NR2C2: variants seen among roughly 807,000 people sequenced by gnomAD.
The protein encoded by NR2C2 is nuclear receptor subfamily 2 group C member 2.
In NR2C2, 6 loss-of-function variants were observed where a neutral mutation model predicts 62.9. That is an observed-to-expected ratio of 0.10 (90% CI 0.05 to 0.19). NR2C2 has a LOEUF of 0.19. NR2C2 is among the 10% of genes least tolerant of loss of function. The pLI, the probability that NR2C2 is intolerant of heterozygous loss-of-function variation, is 1.00. For synonymous variants in NR2C2, 272 were observed against 273.8 expected (o/e 0.99, Z 0.07); for missense variants, 479 against 762.7 (o/e 0.63, Z 4.38).
intron 1 of NR2C2, among the ~76,000 whole-genome samples, chr3:14,971,765 GT>G (rs1462483002): frequency 6.8e-6 from 1 of 147,656 alleles, no homozygotes; most frequent in Non-Finnish European, 1.5e-5. Context: ...TTCTTTTTTT[GT>G]TGTTGTTCAC....
chr3:14,981,015 T>C (rs1574957035), intron 1 of NR2C2, among the ~76,000 whole-genome samples: 1 of 152,266 alleles, frequency 6.6e-6, no homozygotes, highest in South Asian at 2.1e-4. Context: ...TGATTTCTAC[T>C]GTTACACTGG....
In NR2C2 at chr3:15,013,653, C is replaced by G; in HGVS notation, c.137C>G (p.Ser46Cys). 1 of 1,614,154 alleles carries G rather than the reference C, an allele frequency of 6.2e-7. No individual in the cohort carries two copies. The highest frequency in any genetic ancestry group is 8.5e-7 in the Non-Finnish European group (1 of 1,180,026). ...QIVTAVDASGSPKQQFILTSP... is the reference protein window; with the variant it reads ...QIVTAVDASGCPKQQFILTSP... ...GTCACCGCAGTGGACGCCTCCGGATCCCCCAAACAGCAGTTCATCCTGACC... is the reference window on the plus strand; with the variant it reads ...GTCACCGCAGTGGACGCCTCCGGATGCCCCAAACAGCAGTTCATCCTGACC... Residue 46 changes from serine to cysteine, a missense_variant, in exon 3 of 14, where the codon TCC (serine) becomes TGC (cysteine). Ser to Cys is a moderately radical substitution (Grantham distance 112). Transcript: ENST00000425241.
At chr3:15,039,441 G>C (rs1338113405) in intron 13 of NR2C2, among the ~76,000 whole-genome samples, 1 of 152,210 alleles carries the variant, frequency 6.6e-6, no homozygotes, top group Non-Finnish European at 1.5e-5. Flanking sequence ...GTAGAGTGTA[G>C]ACAGTGCCAG....
chr3:15,008,479 G>A (rs573876395), intron 2 of NR2C2, among the ~76,000 whole-genome samples: 2 of 151,852 alleles, frequency 1.3e-5, no homozygotes, highest in East Asian at 3.9e-4. Flanking sequence ...CCAACATCGT[G>A]CTGCTGCACT....
At chr3:14,962,818 C>T (rs2039725849) in intron 1 of NR2C2, among the ~76,000 whole-genome samples, 1 of 151,958 alleles carries the variant, frequency 6.6e-6, no homozygotes. Flanking sequence ...ACGCTTGATT[C>T]TTCGTTAATA....
intron 1 of NR2C2, among the ~76,000 whole-genome samples, chr3:14,998,115 GC>G (rs2040884211): frequency 6.6e-6 from 1 of 152,090 alleles, no homozygotes; most frequent in African/African-American, 2.4e-5. Flanking sequence ...CCTTTTTATT[GC>G]CAAATAATAC....
intron 1 of NR2C2, among the ~76,000 whole-genome samples, chr3:14,998,161 A>T (rs1397163326): frequency 1.3e-5 from 2 of 152,180 alleles, no homozygotes; most frequent in African/African-American, 4.8e-5. Context: ...TTATTTATCC[A>T]TTCATCATTT....
chr3:15,015,828 G>A (rs1352986084), intron 3 of NR2C2, among the ~76,000 whole-genome samples: 2 of 152,126 alleles, frequency 1.3e-5, no homozygotes, highest in Non-Finnish European at 2.9e-5. Flanking sequence ...TTGAGATGGG[G>A]TCTCACTCTG....
At chr3:14,958,767 G>T (rs2125237642) in intron 1 of NR2C2, among the ~76,000 whole-genome samples, 1 of 152,296 alleles carries the variant, frequency 6.6e-6, no homozygotes, top group African/African-American at 2.4e-5. Flanking sequence ...CTCGAGGTCA[G>T]GAGATCCAGA....
intron 1 of NR2C2, among the ~76,000 whole-genome samples, chr3:14,982,544 G>GT (rs1372283338): frequency 9.2e-5 from 14 of 151,950 alleles, no homozygotes; most frequent in African/African-American, 3.4e-4. Context: ...AATTAAGCAC[G>GT]TCTTTATTTC....
chr3:15,028,851 C>T (rs2041893242), intron 8 of NR2C2, 132 bp downstream of exon 8: 1 of 974,282 alleles, frequency 1.0e-6, no homozygotes, highest in East Asian at 2.6e-5. Flanking sequence ...AATGACCCTG[C>T]TCATCTGTCT....
At chr3:15,009,490 A>G (rs2041289566) in intron 2 of NR2C2, among the ~76,000 whole-genome samples, 2 of 152,222 alleles carry the variant, frequency 1.3e-5, no homozygotes, top group Non-Finnish European at 2.9e-5. Context: ...TAACATATCA[A>G]TCATGTTCAA....
intron 1 of NR2C2, among the ~76,000 whole-genome samples, chr3:14,968,183 C>T (rs933379927): frequency 1.3e-5 from 2 of 152,162 alleles, no homozygotes; most frequent in African/African-American, 4.8e-5. Context: ...AAAGAAACTA[C>T]CATCAGAGTG....
chr3:14,963,579 C>T (rs2039749993), intron 1 of NR2C2, among the ~76,000 whole-genome samples: 1 of 152,082 alleles, frequency 6.6e-6, no homozygotes, highest in Non-Finnish European at 1.5e-5. Flanking sequence ...CACCATTCTC[C>T]TGCCTCAGCC....
In NR2C2 at chr3:15,020,913, G is replaced by T. The variant is rs141054676; in HGVS notation, c.537G>T (p.Glu179Asp). 2 of 1,614,012 alleles carry T rather than the reference G, an allele frequency of 1.2e-6. No homozygotes were observed. The highest frequency in any genetic ancestry group is 1.7e-6 in the Non-Finnish European group (2 of 1,179,984). ...CQFCRLKKCL[E>D]MGMKMESVQS... ...TTTGCCGGCTGAAAAAATGCTTAGA[G>T]ATGGGCATGAAAATGGAATGTGAGT... is the stretch of plus-strand genomic sequence containing the variant. Residue 179 changes from glutamate to aspartate, a missense_variant, in exon 5 of 14, where the codon GAG becomes GAT. Glu to Asp is a conservative substitution (Grantham distance 45). This residue lies in a region of NR2C2 where 51 missense variants were observed against 137.5 expected (regional missense o/e 0.37). Transcript: ENST00000425241.
chr3:15,039,259 G>A (rs1398590424), intron 13 of NR2C2, 32 bp downstream of exon 13: 1 of 1,425,186 alleles, frequency 7.0e-7, no homozygotes, highest in African/African-American at 1.4e-5. Flanking sequence ...GCTCTTGCTT[G>A]GGGCTGCAAG....
chr3:14,950,968 T>C (rs2039339142), intron 1 of NR2C2, among the ~76,000 whole-genome samples: 1 of 152,352 alleles, frequency 6.6e-6, no homozygotes, highest in East Asian at 1.9e-4. Flanking sequence ...TCTGGAGACA[T>C]AAATATGGAT....
chr3:14,952,115 CT>C (rs1477251328), intron 1 of NR2C2, among the ~76,000 whole-genome samples: 1 of 152,226 alleles, frequency 6.6e-6, no homozygotes, highest in Non-Finnish European at 1.5e-5. Flanking sequence ...AGAGCTTGGG[CT>C]ATGAAGGCAG....
intron 4 of NR2C2, 92 bp from the exon 5 acceptor site, chr3:15,020,661 A>C (rs2041646451): frequency 6.9e-7 from 1 of 1,455,066 alleles, no homozygotes; most frequent in African/African-American, 1.4e-5. Flanking sequence ...CCATCACTTC[A>C]ATGAGACTTG....
Sources: gnomAD v4.1 joint callset for allele counts (sites outside exome capture counted in the v4.1 genomes callset) on GRCh38, gnomAD v4.1.1 for gene constraint, gnomAD v4.1.1 regional missense constraint, MANE v1.5 for transcripts, NCBI Gene and HGNC (gene_info 2026-07-23, HGNC 2026-07-21) for gene names.